Variants in MAK observed in about 807,000 individuals in gnomAD.
MAK encodes the protein serine/threonine-protein kinase MAK.
A neutral mutation model predicts 82.6 loss-of-function variants in MAK; 65 were observed. The ratio of observed to expected loss-of-function variants is 0.79; its 90% CI spans 0.64 to 0.97. MAK has a LOEUF of 0.97. Ranked by LOEUF, MAK falls within the 50% of genes least tolerant of loss-of-function variation. The pLI is 0.00. For synonymous variants in MAK, 250 were observed against 274.2 expected, an observed-to-expected ratio of 0.91 and a Z score of 0.87; for missense variants, 703 against 780.2, an observed-to-expected ratio of 0.90 and a Z score of 1.18.
At chr6:10,766,095 G>T (rs1269889485) in intron 14 of MAK, among the ~76,000 whole-genome samples, 1 of 152,190 alleles carries the variant, frequency 6.6e-6, no homozygotes, top group Non-Finnish European at 1.5e-5. Flanking sequence ...TCTGAGGAGG[G>T]ATGTCTGCTT....
chr6:10,826,359 C>G (rs1251275986), intron 2 of MAK, among the ~76,000 whole-genome samples: 2 of 151,240 alleles, frequency 1.3e-5, no homozygotes, highest in Non-Finnish European at 2.9e-5. Context: ...ACCCAATATT[C>G]CCCCATCATA....
intron 9 of MAK, among the ~76,000 whole-genome samples, chr6:10,792,686 C>A (rs1219748425): frequency 6.6e-6 from 1 of 152,098 alleles, no homozygotes; most frequent in Non-Finnish European, 1.5e-5. Context: ...GGGAAGAGAG[C>A]ATGGAAAATT....
At chr6:10,838,111 C>T (rs1779275087) in intron 1 of MAK, 1 of 152,728 alleles carries the variant, frequency 6.5e-6, no homozygotes, top group African/African-American at 2.4e-5. Context: ...CACCGCCAGC[C>T]CAAGCAGCAG....
intron 8 of MAK, among the ~76,000 whole-genome samples, chr6:10,797,374 T>C (rs1483503534): frequency 6.6e-6 from 1 of 152,106 alleles, no homozygotes; most frequent in Non-Finnish European, 1.5e-5. Context: ...TTGGGAGATA[T>C]CTGGCAATGT....
At chr6:10,815,919 T>C (rs1362376228) in intron 4 of MAK, among the ~76,000 whole-genome samples, 333 of 29,668 alleles carry the variant, frequency 0.011, 17 homozygotes, top group Middle Eastern at 0.02. Context: ...ACAGTATATA[T>C]ATATATATAT....
intron 6 of MAK, 49 bp from the exon 7 acceptor site, chr6:10,803,940 G>A: frequency 6.6e-7 from 1 of 1,513,732 alleles, no homozygotes; most frequent in Non-Finnish European, 9.2e-7. Flanking sequence ...AATTTCAAAG[G>A]TGGATGGGCA....
chr6:10,778,152 TATTTACTGAGCACCTACC>T (rs1465067119), intron 11 of MAK, among the ~76,000 whole-genome samples: 4 of 152,170 alleles, frequency 2.6e-5, no homozygotes, highest in African/African-American at 9.7e-5. Flanking sequence ...AGTTAGCAAA[TATTTACTGAGCACCTACC>T]AGTGCCAGGC....
chr6:10,788,618 C>G (rs533305928), intron 10 of MAK, among the ~76,000 whole-genome samples: 4 of 152,040 alleles, frequency 2.6e-5, no homozygotes, highest in Non-Finnish European at 2.9e-5. Context: ...CTGTAACAAT[C>G]TGAGCTACTA....
chr6:10,777,641 G>A (rs949039255), intron 11 of MAK, among the ~76,000 whole-genome samples: 5 of 151,926 alleles, frequency 3.3e-5, no homozygotes, highest in Admixed American at 3.3e-4. Context: ...GGTTTGTTTT[G>A]TTTTCTTTTG....
chr6:10,770,266 T>C (rs1413732252), intron 13 of MAK, 36 bp from the exon 14 acceptor site: 2 of 1,612,104 alleles, frequency 1.2e-6, no homozygotes, highest in South Asian at 1.1e-5. Context: ...AGTCAGAAGG[T>C]GAATATTTTA....
chr6:10,812,980 G>A (rs1581736087), intron 5 of MAK, among the ~76,000 whole-genome samples: 1 of 145,266 alleles, frequency 6.9e-6, no homozygotes, highest in Admixed American at 7.1e-5. Context: ...GGCCAGGCTG[G>A]TCTCGAACTC....
chr6:10,807,793 G>GCC (rs769921291), intron 6 of MAK, among the ~76,000 whole-genome samples: 3 of 151,890 alleles, frequency 2.0e-5, no homozygotes, highest in Non-Finnish European at 1.5e-5. Context: ...GCCGGGCCCG[G>GCC]TGGCTCACGC....
chr6:10,774,005 A>G (rs1163360099), intron 12 of MAK, among the ~76,000 whole-genome samples: 1 of 152,076 alleles, frequency 6.6e-6, no homozygotes, highest in Admixed American at 6.6e-5. Context: ...GGCCAAAACT[A>G]TTAGTGATTT....
At chr6:10,819,062 A>G (rs1442189433) in intron 2 of MAK, 122 bp from the exon 3 acceptor site, 2 of 691,156 alleles carry the variant, frequency 2.9e-6, no homozygotes, top group Non-Finnish European at 5.3e-6. Flanking sequence ...CTCTGTCCTC[A>G]TCCTTATAAG....
At chr6:10,813,021 G>A (rs1379240009) in intron 5 of MAK, among the ~76,000 whole-genome samples, 1 of 121,902 alleles carries the variant, frequency 8.2e-6, no homozygotes, top group Non-Finnish European at 1.7e-5. Context: ...CCCCCGCCTC[G>A]GCCTCCCAAA....
intron 14 of MAK, among the ~76,000 whole-genome samples, chr6:10,764,945 A>G (rs185208145): frequency 1.3e-5 from 2 of 151,950 alleles, no homozygotes; most frequent in Admixed American, 6.6e-5. Context: ...ATACAAAAAA[A>G]ATCAGCTGAG....
At position 10,775,420 on chromosome 6, in the gene MAK, T is replaced by C; in HGVS notation, c.1505A>G (p.Lys502Arg). The C allele has an allele frequency of 1.9e-6, 3 of 1,613,916 alleles. No homozygotes were observed. The highest frequency in any genetic ancestry group is 2.5e-6 in the Non-Finnish European group (3 of 1,179,840). ...GCTCCAAGTGTGGGGGTTTATTTCC[T>C]TTCCACTGGCTATCAAGGACACCTT... is the stretch of plus-strand genomic sequence containing the variant. Reference protein sequence around the residue: ...PKKVSLIASGKEINPHTWSNQ... With the variant: ...PKKVSLIASGREINPHTWSNQ... The change falls in exon 12 of 15, where the codon AAG (lysine) becomes AGG (arginine). Residue 502 changes from lysine (K) to arginine (R), a missense_variant. Coordinates refer to ENST00000354489, the MANE Select transcript of MAK (RefSeq NM_001242957.3).
chr6:10,819,711 A>C (rs1777778102), intron 2 of MAK, among the ~76,000 whole-genome samples: 1 of 152,236 alleles, frequency 6.6e-6, no homozygotes, highest in Non-Finnish European at 1.5e-5. Context: ...AGTGTATTTA[A>C]GAGTAAAAAC....
In MAK at chr6:10,817,266, C is replaced by T. The variant is rs985980001; in HGVS notation, c.278+584G>A. ...AGCAGGCAAAATGGATGTTAATCTC[C>T]CAGACATGACCAGAACCACCACCAA... On this transcript the variant is annotated intron_variant, in intron 4 of 14. Transcript: ENST00000354489. Among the ~76,000 whole-genome samples, 13 of 152,052 alleles carry T rather than the reference C, an allele frequency of 8.5e-5. No homozygotes were observed. In the South Asian group the frequency reaches 2.7e-3, roughly 32 times the overall value.
Sources: gnomAD v4.1 joint callset for allele counts (sites outside exome capture counted in the v4.1 genomes callset) on GRCh38, gnomAD v4.1.1 for gene constraint, MANE v1.5 for transcripts, NCBI Gene and HGNC (gene_info 2026-07-23, HGNC 2026-07-21) for gene names.